Variants in CASKIN2 observed in about 807,000 individuals in gnomAD.
CASKIN2 encodes the protein caskin-2.
CASKIN2 carries 41 observed loss-of-function variants against 107.1 expected under a neutral mutation model. The ratio of observed to expected loss-of-function variants is 0.38; its 90% confidence interval spans 0.30 to 0.50. The LOEUF is 0.50. Among genes scored for constraint, CASKIN2 ranks in the 20% least tolerant of loss-of-function variants. The probability of loss-of-function intolerance (pLI) is 0.92; values close to 1 mark genes in which losing one functional copy is unlikely to be tolerated. For missense variants in CASKIN2, 1,546 were observed against 1,657.4 expected (o/e 0.93, Z 1.17); for synonymous variants, 724 against 705.6 (o/e 1.03, Z -0.41).
intron 3 of CASKIN2, among the ~76,000 whole-genome samples, 179 bp downstream of exon 3, chr17:75,508,055 G>A (rs1335486662): frequency 1.3e-5 from 2 of 152,120 alleles, no homozygotes; most frequent in Admixed American, 6.5e-5. Flanking sequence ...ACGGGCGGGC[G>A]GGTGCCCCCT....
chr17:75,510,641 A>G (rs1209336989), intron 2 of CASKIN2, among the ~76,000 whole-genome samples: 1 of 152,010 alleles, frequency 6.6e-6, no homozygotes, highest in Admixed American at 6.6e-5. Flanking sequence ...CCCAGGTTGG[A>G]GTGTAGTGGC....
rs1424627484 is a variant in CASKIN2, at chr17:75,503,956, G to C, written c.1474C>G (p.Gln492Glu). Residue 492 changes from glutamine to glutamate, a missense_variant, in exon 15 of 20, where the codon CAG becomes GAG. Gln to Glu is a conservative substitution (Grantham distance 29). Transcript: ENST00000321617. Reference sequence around the variant, plus strand: ...TCGCTTAGCCAGTTATGAATGGCCTGCGCGTCCTGCGGGGTGGGGGAAGGG... The same window carrying C: ...TCGCTTAGCCAGTTATGAATGGCCTCCGCGTCCTGCGGGGTGGGGGAAGGG... The part of the protein sequence containing the change: ...PEQLLEGKDA[Q>E]AIHNWLSEFQ... The C allele has an allele frequency of 1.2e-6, 2 of 1,610,790 alleles. No individual in the cohort carries two copies. The highest frequency in any genetic ancestry group is 1.7e-6 in the Non-Finnish European group (2 of 1,179,112).
chr17:75,508,425 C>A, intron 2 of CASKIN2, 140 bp from the exon 3 acceptor site: 1 of 883,430 alleles, frequency 1.1e-6, no homozygotes, highest in Non-Finnish European at 1.8e-6. Flanking sequence ...TGTCCCGTCC[C>A]TGTGGCTCCC....
In CASKIN2 at chr17:75,501,064, G is replaced by T. The variant is rs373575539; in HGVS notation, c.*16C>A. 1.5e-3 allele frequency: 2,327 copies of T among 1,558,166 alleles called. 17 individuals are homozygous for T. The highest frequency in any genetic ancestry group is 8.9e-4 in the Non-Finnish European group (1,019 of 1,151,046). On this transcript the variant is annotated 3_prime_UTR_variant, in exon 20 of 20. Transcript: ENST00000321617. ...CAGTGGACTTCGGCAGGTCACAGTGGGCACTGCTGGAGGGCTCAGTCCAGC... is the reference window on the plus strand; with the variant it reads ...CAGTGGACTTCGGCAGGTCACAGTGTGCACTGCTGGAGGGCTCAGTCCAGC...
In CASKIN2 at chr17:75,502,030, G is replaced by A. The variant is rs200041910; in HGVS notation, c.3044C>T (p.Thr1015Met). 55 of 1,612,512 alleles carry A rather than the reference G, an allele frequency of 3.4e-5. No individual in the cohort carries two copies. The highest frequency in any genetic ancestry group is 2.0e-4 in the South Asian group (18 of 91,082). The change falls in exon 18 of 20, where the codon ACG becomes ATG. Residue 1015 changes from threonine to methionine, a missense_variant. Transcript: ENST00000321617. The surrounding 1 kb of genome is among the most constrained non-coding windows in gnomAD (Gnocchi z 4.3). Reference protein sequence around the residue: ...ALLAFGVASATPGPAAPLPSP... With the variant: ...ALLAFGVASAMPGPAAPLPSP... ...AGGCAGTGGGGCAGCGGGGCCAGGC[G>A]TGGCACTGGCCACTCCGAAGGCCAG...
intron 2 of CASKIN2, among the ~76,000 whole-genome samples, chr17:75,511,793 G>T (rs1456544963): frequency 1.3e-5 from 2 of 152,152 alleles, no homozygotes; most frequent in Non-Finnish European, 2.9e-5. Flanking sequence ...GAACTTCTCG[G>T]AGCCTAAGAG....
In CASKIN2 at chr17:75,502,763, G is replaced by A. The variant is rs1449278223; in HGVS notation, c.2311C>T (p.Pro771Ser). 2.5e-6 allele frequency: 4 copies of A among 1,600,710 alleles called. No homozygotes were observed. Among genetic ancestry groups the A allele is most frequent in the Non-Finnish European group, 2.6e-6 (3 of 1,173,416 alleles). ...GSPSSPAPGP[P>S]PGAPWAFSYL... ...GAGAAGGCCCAGGGTGCGCCAGGAG[G>A]TGGCCCTGGGGCCGGGCTAGAGGGT... The change falls in exon 18 of 20, where the codon CCT becomes TCT. Residue 771 changes from proline to serine, a missense_variant. Physicochemically the swap from Pro to Ser is moderately conservative, Grantham distance 74. This residue lies in a region of CASKIN2 where 1,311 missense variants were observed against 1,311.0 expected (regional missense o/e 1.00). Transcript: ENST00000321617. This position sits in a 1 kb window ranked among gnomAD's most constrained non-coding sequence, Gnocchi z 4.3.
chr17:75,514,686 T>C (rs1162391042), intron 1 of CASKIN2, among the ~76,000 whole-genome samples: 1 of 152,174 alleles, frequency 6.6e-6, no homozygotes, highest in Non-Finnish European at 1.5e-5. Context: ...GGCTTCGCTT[T>C]AATGGCTGGA....
chr17:75,500,766 C>G lies in CASKIN2; in HGVS notation c.*314G>C, dbSNP rs1286423950. 1 of 338,442 alleles carries G rather than the reference C, an allele frequency of 3.0e-6. No homozygotes were observed. The highest frequency in any genetic ancestry group is 8.6e-5 in the East Asian group (1 of 11,612). The allele number at this position is 338,442 out of a possible 1,614,324, so 21.0% of individuals were successfully genotyped here. A position where few individuals can be genotyped will look rare whatever the true frequency, so the allele number is the denominator to read the frequency against. On this transcript the variant is annotated 3_prime_UTR_variant, in exon 20 of 20. Transcript: ENST00000321617. Reference sequence around the variant, plus strand: ...AGAAAGCACCCCCAAAGCCCCACCCCTACTTCCTCCCTGAGGAGAGAGCTC... The same window carrying G: ...AGAAAGCACCCCCAAAGCCCCACCCGTACTTCCTCCCTGAGGAGAGAGCTC...
intron 14 of CASKIN2, 30 bp from the exon 15 acceptor site, chr17:75,503,992 G>C (rs72851933): frequency 1.3e-6 from 2 of 1,579,068 alleles, no homozygotes; most frequent in Non-Finnish European, 1.7e-6. Flanking sequence ...GGCAGAATTA[G>C]CAGGAGCTGG....
Position 75,506,266 on chromosome 17 carries a change from TC to T in CASKIN2, c.726+38del. ...CCAGTCAGGGGCACAGGGCAGAGGCTCCATGGACACCTGCGAGGGAGCAGGG... is the reference window on the plus strand; with the variant it reads ...CCAGTCAGGGGCACAGGGCAGAGGCTCATGGACACCTGCGAGGGAGCAGGG... On this transcript the variant is annotated intron_variant, in intron 8 of 19. Transcript: ENST00000321617. This position sits in a 1 kb window ranked among gnomAD's most constrained non-coding sequence, Gnocchi z 4.8. The T allele has an allele frequency of 6.5e-7, 1 of 1,539,100 alleles. No homozygotes were observed. The highest frequency in any genetic ancestry group is 8.9e-7 in the Non-Finnish European group (1 of 1,117,892).
rs372647842 is a variant in CASKIN2, at chr17:75,503,427, G to T, written c.1781C>A (p.Thr594Asn). 1.4e-4 allele frequency: 232 copies of T among 1,612,772 alleles called. No individual in the cohort carries two copies. The Admixed American group carries it at 1.5e-3, about 11-fold the overall frequency. ...CCCAATCTCCTGCAGCTCCTCCCAGGTGAGGTCGGCCACCAGCCCCATGGA... is the reference window on the plus strand; with the variant it reads ...CCCAATCTCCTGCAGCTCCTCCCAGTTGAGGTCGGCCACCAGCCCCATGGA... ...YDSMGLVADL[T>N]WEELQEIGVN... Residue 594 changes from threonine (T) to asparagine (N), a missense_variant, in exon 17 of 20, where the codon ACC (threonine) becomes AAC (asparagine). Thr to Asn is a moderately conservative substitution (Grantham distance 65). Around this residue, in one of 6 missense-constraint regions of CASKIN2, gnomAD observed 1,311 missense variants for 1,311.0 expected, o/e 1.00. Coordinates refer to ENST00000321617, the MANE Select transcript of CASKIN2 (RefSeq NM_020753.5).
chr17:75,509,936 C>T (rs888306887), intron 2 of CASKIN2: 20 of 985,556 alleles, frequency 2.0e-5, no homozygotes, highest in African/African-American at 3.5e-5. Context: ...TGGGTGGCTC[C>T]GTTCTTTTCA....
chr17:75,510,660 G>A (rs922725166), intron 2 of CASKIN2, among the ~76,000 whole-genome samples: 1 of 151,648 alleles, frequency 6.6e-6, no homozygotes, highest in Non-Finnish European at 1.5e-5. Flanking sequence ...GCACGATCTC[G>A]GCTCACTGCA....
In CASKIN2 at chr17:75,507,094, G is replaced by A. The variant is rs202024244; in HGVS notation, c.280C>T (p.Arg94Trp). The change falls in exon 5 of 20, where the codon CGG becomes TGG. Residue 94 changes from arginine to tryptophan, a missense_variant. By Grantham distance (101) the Arg-to-Trp change is moderately radical. Around this residue, in one of 6 missense-constraint regions of CASKIN2, gnomAD observed 136 missense variants for 198.6 expected, o/e 0.68. Transcript: ENST00000321617. ...AGCAGCAGCCTCACAGGCTCCAGCC[G>A]GCCCTGCCAGGCTGCGTAGTGCAGC... ...RPLHYAAWQGRLEPVRLLLRA... is the reference protein window; with the variant it reads ...RPLHYAAWQGWLEPVRLLLRA... The A allele has an allele frequency of 5.0e-6, 8 of 1,610,816 alleles. No homozygotes were observed. Among genetic ancestry groups the A allele is most frequent in the East Asian group, 2.2e-5 (1 of 44,844 alleles).
At chr17:75,508,388 A>C in intron 2 of CASKIN2, 103 bp from the exon 3 acceptor site, 1 of 1,283,632 alleles carries the variant, frequency 7.8e-7, no homozygotes, top group Non-Finnish European at 1.1e-6. Context: ...GGCGTGCAGG[A>C]AAGCACCTGC....
Position 75,503,133 on chromosome 17 carries a change from G to A in CASKIN2, c.1941C>T (p.Ala647=). 6.2e-7 allele frequency: 1 copy of A among 1,606,200 alleles called. No individual in the cohort carries two copies. Among genetic ancestry groups the A allele is most frequent in the Non-Finnish European group, 8.5e-7 (1 of 1,178,024 alleles). The change falls in exon 18 of 20, where the codon GCC becomes GCT. Residue 647 remains alanine (A), a synonymous_variant. Transcript: ENST00000321617. ...RRLAKGPELM[A]IEGLENGEGP... Reference sequence around the variant, plus strand: ...CTTCTCCGTTCTCCAGTCCCTCGATGGCCATCAGCTCCGGACCCTTGGCCA... The same window carrying A: ...CTTCTCCGTTCTCCAGTCCCTCGATAGCCATCAGCTCCGGACCCTTGGCCA...
Position 75,506,642 on chromosome 17 carries a change from G to C in CASKIN2, c.558C>G (p.Asp186Glu). 6.2e-7 allele frequency: 1 copy of C among 1,613,294 alleles called. No individual in the cohort carries two copies. Among genetic ancestry groups the C allele is most frequent in the Non-Finnish European group, 8.5e-7 (1 of 1,179,960 alleles). ...LLEGEAKDPC[D>E]PNYTTPLHLA... ...AGTGCAGGGGCGTGGTGTAGTTGGG[G>C]TCACACGGGTCTTTGGCCTCACCCT... The change falls in exon 7 of 20, where the codon GAC becomes GAG. Residue 186 changes from aspartate (D) to glutamate (E), a missense_variant. Physicochemically the swap from Asp to Glu is conservative, Grantham distance 45. Coordinates refer to ENST00000321617, the MANE Select transcript of CASKIN2 (RefSeq NM_020753.5). This position sits in a 1 kb window ranked among gnomAD's most constrained non-coding sequence, Gnocchi z 4.8.
At position 75,501,028 on chromosome 17, in the gene CASKIN2, T is replaced by A; in HGVS notation, c.*52A>T. On this transcript the variant is annotated 3_prime_UTR_variant, in exon 20 of 20. Transcript: ENST00000321617. Reference sequence around the variant, plus strand: ...AGGGTGGCAGGGGCCTCTTCTGTGCTGGGGCAAAGGCAGTGGACTTCGGCA... The same window carrying A: ...AGGGTGGCAGGGGCCTCTTCTGTGCAGGGGCAAAGGCAGTGGACTTCGGCA... 1 of 1,519,886 alleles carries A rather than the reference T, an allele frequency of 6.6e-7. No homozygotes were observed. Among genetic ancestry groups the A allele is most frequent in the South Asian group, 1.2e-5 (1 of 83,482 alleles). The allele number at this position is 1,519,886 out of a possible 1,614,324, so 94.1% of individuals were successfully genotyped here.
Sources: gnomAD v4.1 joint callset for allele counts (sites outside exome capture counted in the v4.1 genomes callset) on GRCh38, gnomAD v4.1.1 for gene constraint, gnomAD v4.1.1 regional missense constraint, Gnocchi (gnomAD v3.1) non-coding constraint, MANE v1.5 for transcripts, NCBI Gene and HGNC (gene_info 2026-07-23, HGNC 2026-07-21) for gene names.